C1orf226: variants seen among roughly 807,000 people sequenced by gnomAD.
C1orf226 encodes uncharacterized protein C1orf226.
C1orf226 carries 4 observed loss-of-function variants against 10.5 expected under a neutral mutation model. The observed-to-expected ratio is 0.38, with a 90% confidence interval of 0.19 to 0.87. The LOEUF (loss-of-function observed/expected upper bound fraction) is 0.87. C1orf226 is among the 40% of genes least tolerant of loss of function. The probability of loss-of-function intolerance (pLI) is 0.41; values close to 1 mark genes in which losing one functional copy is unlikely to be tolerated. For missense variants in C1orf226, 313 were observed against 336.2 expected, an observed-to-expected ratio of 0.93 and a Z score of 0.54; for synonymous variants, 125 against 139.3, an observed-to-expected ratio of 0.90 and a Z score of 0.72.
upstream of C1orf226, among the ~76,000 whole-genome samples, chr1:162,379,451 T>G (rs566198714): frequency 4.2e-4 from 64 of 152,298 alleles, no homozygotes; most frequent in African/African-American, 1.5e-3. Context: ...ATCATGCAAT[T>G]TTTAAGAATT....
Position 162,381,994 on chromosome 1 carries a change from C to T in C1orf226, c.93C>T (p.Ala31=). The change falls in exon 1 of 2, where the codon GCC becomes GCT. Residue 31 remains alanine (A), a synonymous_variant. Coordinates refer to ENST00000458626, the MANE Select transcript of C1orf226 (RefSeq NM_001085375.2). ...CCAAGCCCGTGGCCCCCGGCTCTGCCCCTCTGGGCTCTGGTGAGCCTGGGG... is the reference window on the plus strand; with the variant it reads ...CCAAGCCCGTGGCCCCCGGCTCTGCTCCTCTGGGCTCTGGTGAGCCTGGGG... ...HLSKPVAPGS[A]PLGSGEPGGP... The T allele has an allele frequency of 6.2e-7, 1 of 1,612,756 alleles. No individual in the cohort carries two copies. The highest frequency in any genetic ancestry group is 8.5e-7 in the Non-Finnish European group (1 of 1,179,820).
At position 162,383,263 on chromosome 1, in the gene C1orf226, C is replaced by G; in HGVS notation, c.399C>G (p.Thr133=). The change falls in exon 2 of 2, where the codon ACC becomes ACG. Residue 133 remains threonine, a synonymous_variant. Transcript: ENST00000458626. The stretch of plus-strand genomic sequence containing the variant: ...AGCGAACCCCTCGGGCCCTGAAGAC[C>G]ACCCAGGACATGCTGATTTCATCAC... ...TRKRTPRALK[T]TQDMLISSQP... 6.2e-7 allele frequency: 1 copy of G among 1,613,750 alleles called. No individual in the cohort carries two copies.
chr1:162,379,474 A>T (rs558233524), upstream of C1orf226, among the ~76,000 whole-genome samples: 113 of 152,334 alleles, frequency 7.4e-4, 1 homozygote, highest in African/African-American at 2.6e-3. Context: ...TATAAAAGTC[A>T]AATTCAATTA....
In C1orf226 at chr1:162,386,092, C is replaced by G. The variant is rs189448849; in HGVS notation, c.*2409C>G. 1 of 152,870 alleles carries G rather than the reference C, an allele frequency of 6.5e-6. No individual in the cohort carries two copies. Among genetic ancestry groups the G allele is most frequent in the East Asian group, 1.9e-4 (1 of 5,216 alleles). 9.5% of individuals were successfully genotyped at this position (152,870 alleles called of 1,614,324 possible). A position where few individuals can be genotyped will look rare whatever the true frequency, so the allele number is the denominator to read the frequency against. On this transcript the variant is annotated 3_prime_UTR_variant, in exon 2 of 2. Transcript: ENST00000458626. The stretch of plus-strand genomic sequence containing the variant: ...CCAATCTAACTGCCTACAACCTGCC[C>G]GTCCCCCTGCTGCAGGGATGTTGCT...
At position 162,383,952 on chromosome 1, in the gene C1orf226, CT is replaced by C. The variant is rs1648020462; in HGVS notation, c.*271del. ...AACCTCCTCTGAGTGGGCTGCAGCCCTTGGACATTAGAGCTCTTCCACTCTT... is the reference window on the plus strand; with the variant it reads ...AACCTCCTCTGAGTGGGCTGCAGCCCTGGACATTAGAGCTCTTCCACTCTT... On this transcript the variant is annotated 3_prime_UTR_variant, in exon 2 of 2. Coordinates refer to ENST00000458626, the MANE Select transcript of C1orf226 (RefSeq NM_001085375.2). 1 of 475,408 alleles carries C rather than the reference CT, an allele frequency of 2.1e-6. No individual in the cohort carries two copies. The highest frequency in any genetic ancestry group is 3.5e-5 in the South Asian group (1 of 28,984). 29.4% of individuals were successfully genotyped at this position (475,408 alleles called of 1,614,324 possible).
chr1:162,386,608 T>C lies in C1orf226; in HGVS notation c.*2925T>C, dbSNP rs375479821. 3.3e-4 allele frequency: 50 copies of C among 152,204 alleles called. No homozygotes were observed. The highest frequency in any genetic ancestry group is 1.2e-3 in the African/African-American group (48 of 41,502). The allele number at this position is 152,204 out of a possible 1,614,324, so 9.4% of individuals were successfully genotyped here. A position where few individuals can be genotyped will look rare whatever the true frequency, so the allele number is the denominator to read the frequency against. On this transcript the variant is annotated 3_prime_UTR_variant, in exon 2 of 2. Transcript: ENST00000458626. ...GTGTATCCCCCTGCACAGAGGGAAG[T>C]GTATCTGAATGTTGTGTATGTGGCT...
Position 162,383,227 on chromosome 1 carries a change from C to T in C1orf226, c.363C>T (p.Pro121=). The T allele has an allele frequency of 3.1e-6, 5 of 1,610,264 alleles. No homozygotes were observed. Among genetic ancestry groups the T allele is most frequent in the Non-Finnish European group, 4.2e-6 (5 of 1,178,334 alleles). The change falls in exon 2 of 2, where the codon CCC becomes CCT. Residue 121 remains proline, a synonymous_variant. Coordinates refer to ENST00000458626, the MANE Select transcript of C1orf226 (RefSeq NM_001085375.2). Reference sequence around the variant, plus strand: ...TTCCTCGGCTGGATCCTCCACCTCCCATAACCAGAAAGCGAACCCCTCGGG... The same window carrying T: ...TTCCTCGGCTGGATCCTCCACCTCCTATAACCAGAAAGCGAACCCCTCGGG... The part of the protein sequence containing the change: ...ETFPRLDPPP[P]ITRKRTPRAL...
In C1orf226 at chr1:162,385,121, G is replaced by A. The variant is rs1648065044; in HGVS notation, c.*1438G>A. 6.5e-6 allele frequency: 1 copy of A among 152,764 alleles called. No individual in the cohort carries two copies. The highest frequency in any genetic ancestry group is 1.5e-5 in the Non-Finnish European group (1 of 68,142). The allele number at this position is 152,764 out of a possible 1,614,324, so 9.5% of individuals were successfully genotyped here. On this transcript the variant is annotated 3_prime_UTR_variant, in exon 2 of 2. Coordinates refer to ENST00000458626, the MANE Select transcript of C1orf226 (RefSeq NM_001085375.2). ...GTGGCCGGTTCCCTGGGAGAAGGCT[G>A]GGAATGGCACGTCCGGCCAGGGCAG...
At chr1:162,381,610 T>G, upstream of C1orf226, 4 of 958,032 alleles carry the variant, frequency 4.2e-6, no homozygotes, top group Non-Finnish European at 4.2e-6. Flanking sequence ...GCCAAGCCCA[T>G]GAGTCAAGGA....
In C1orf226 at chr1:162,385,371, C is replaced by T. The variant is rs1477382308; in HGVS notation, c.*1688C>T. On this transcript the variant is annotated 3_prime_UTR_variant, in exon 2 of 2. Coordinates refer to ENST00000458626, the MANE Select transcript of C1orf226 (RefSeq NM_001085375.2). Reference sequence around the variant, plus strand: ...TTGCTAGGATGTGGGTTCCTTCCTGCATGCTTGCTTCTGCAGCTGTGTGGC... The same window carrying T: ...TTGCTAGGATGTGGGTTCCTTCCTGTATGCTTGCTTCTGCAGCTGTGTGGC... 1 of 152,294 alleles carries T rather than the reference C, an allele frequency of 6.6e-6. No homozygotes were observed. Among genetic ancestry groups the T allele is most frequent in the Admixed American group, 6.5e-5 (1 of 15,288 alleles). 9.4% of individuals were successfully genotyped at this position (152,294 alleles called of 1,614,324 possible). A position where few individuals can be genotyped will look rare whatever the true frequency, so the allele number is the denominator to read the frequency against.
At chr1:162,379,152 T>G, upstream of C1orf226, 1 of 623,568 alleles carries the variant, frequency 1.6e-6, no homozygotes. Context: ...GTCATCTCTC[T>G]GTCCTCCATT....
chr1:162,383,390 C>G lies in C1orf226; in HGVS notation c.526C>G (p.Gln176Glu), dbSNP rs1228262673. ...AQPDVPADAS[Q>E]PEATMEREER... ...GCCTGACGTCCCAGCAGACGCTTCA[C>G]AGCCAGAGGCCACCATGGAAAGAGA... Residue 176 changes from glutamine (Q) to glutamate (E), a missense_variant, in exon 2 of 2, where the codon CAG (glutamine) becomes GAG (glutamate). Coordinates refer to ENST00000458626, the MANE Select transcript of C1orf226 (RefSeq NM_001085375.2). 1 of 1,594,786 alleles carries G rather than the reference C, an allele frequency of 6.3e-7. No homozygotes were observed. The highest frequency in any genetic ancestry group is 8.5e-7 in the Non-Finnish European group (1 of 1,170,510).
upstream of C1orf226, chr1:162,381,677 C>G (rs1270883929): frequency 7.2e-7 from 1 of 1,393,468 alleles, no homozygotes; most frequent in Admixed American, 3.6e-5. Flanking sequence ...CACTGATTAA[C>G]TTGGGTGGGG....
chr1:162,385,579 C>T lies in C1orf226; in HGVS notation c.*1896C>T, dbSNP rs1349277800. ...CAGGGCTTACGTGTACATTCTTTCT[C>T]ACTCTAAGGATGTGATATCTGACCC... On this transcript the variant is annotated 3_prime_UTR_variant, in exon 2 of 2. Coordinates refer to ENST00000458626, the MANE Select transcript of C1orf226 (RefSeq NM_001085375.2). The T allele has an allele frequency of 1.3e-5, 2 of 152,370 alleles. No individual in the cohort carries two copies. The highest frequency in any genetic ancestry group is 2.9e-5 in the Non-Finnish European group (2 of 68,062). 9.4% of individuals were successfully genotyped at this position (152,370 alleles called of 1,614,324 possible).
At position 162,382,186 on chromosome 1, in the gene C1orf226, C is replaced by A. The variant is rs778701532; in HGVS notation, c.285C>A (p.Asp95Glu). 3.4e-5 allele frequency: 54 copies of A among 1,584,468 alleles called. No individual in the cohort carries two copies. Among genetic ancestry groups the A allele is most frequent in the Middle Eastern group, 3.4e-4 (2 of 5,876 alleles). The change falls in exon 1 of 2, where the codon GAC becomes GAA. Residue 95 changes from aspartate to glutamate, a missense_variant. Transcript: ENST00000458626. Reference protein sequence around the residue: ...TAGAQLASGTDAAPEAWLEDE... With the variant: ...TAGAQLASGTEAAPEAWLEDE... ...GAGCACAGCTGGCCAGTGGGACTGA[C>A]GCGGCTCCAGAGGCTTGGCTAGAGG...
At chr1:162,380,261 A>G (rs930228964), upstream of C1orf226, among the ~76,000 whole-genome samples, 1 of 152,008 alleles carries the variant, frequency 6.6e-6, no homozygotes, top group Non-Finnish European at 1.5e-5. Context: ...GCAGGTCCTC[A>G]CCCTGCAGTG....
chr1:162,383,864 G>C lies in C1orf226; in HGVS notation c.*181G>C. 1 of 627,792 alleles carries C rather than the reference G, an allele frequency of 1.6e-6. No individual in the cohort carries two copies. Among genetic ancestry groups the C allele is most frequent in the East Asian group, 2.8e-5 (1 of 35,734 alleles). 38.9% of individuals were successfully genotyped at this position (627,792 alleles called of 1,614,324 possible). A position where few individuals can be genotyped will look rare whatever the true frequency, so the allele number is the denominator to read the frequency against. ...GACTGGAAGTCCTTGAGTAGTTCTA[G>C]TTAAAGAGTCTATCCGCAGAATGGC... On this transcript the variant is annotated 3_prime_UTR_variant, in exon 2 of 2. Coordinates refer to ENST00000458626, the MANE Select transcript of C1orf226 (RefSeq NM_001085375.2).
chr1:162,381,812 T>C lies in C1orf226; in HGVS notation c.-90T>C. 2 of 1,541,052 alleles carry C rather than the reference T, an allele frequency of 1.3e-6. No individual in the cohort carries two copies. The highest frequency in any genetic ancestry group is 1.7e-6 in the Non-Finnish European group (2 of 1,151,444). On this transcript the variant is annotated 5_prime_UTR_variant, in exon 1 of 2. Transcript: ENST00000458626. ...GAAGTTACAGGTTTTGGGTGTGGGA[T>C]AAGGAAAAACTGAATGATAGAGCAC...
At position 162,381,804 on chromosome 1, in the gene C1orf226, G is replaced by T. The variant is rs1557903842; in HGVS notation, c.-98G>T. 2 of 1,530,410 alleles carry T rather than the reference G, an allele frequency of 1.3e-6. No individual in the cohort carries two copies. Among genetic ancestry groups the T allele is most frequent in the African/African-American group, 1.4e-5 (1 of 71,280 alleles). 94.8% of individuals were successfully genotyped at this position (1,530,410 alleles called of 1,614,324 possible). A position where few individuals can be genotyped will look rare whatever the true frequency, so the allele number is the denominator to read the frequency against. On this transcript the variant is annotated 5_prime_UTR_variant, in exon 1 of 2. Transcript: ENST00000458626. The stretch of plus-strand genomic sequence containing the variant: ...AAGCCTTGGAAGTTACAGGTTTTGG[G>T]TGTGGGATAAGGAAAAACTGAATGA...
Sources: gnomAD v4.1 joint callset for allele counts (sites outside exome capture counted in the v4.1 genomes callset) on GRCh38, gnomAD v4.1.1 for gene constraint, MANE v1.5 for transcripts, NCBI Gene and HGNC (gene_info 2026-07-23, HGNC 2026-07-21) for gene names.